SYT2: variants seen among roughly 807,000 people sequenced by gnomAD.
The protein encoded by SYT2 is synaptotagmin-2.
In SYT2, 15 loss-of-function variants were observed where a neutral mutation model predicts 39.9. That is an observed-to-expected ratio of 0.38 (90% CI 0.25 to 0.58). SYT2 has a LOEUF of 0.58. SYT2 is among the 20% of genes least tolerant of loss of function. SYT2 has a pLI of 0.70. For missense variants in SYT2, 389 were observed against 530.3 expected, an observed-to-expected ratio of 0.73 and a Z score of 2.62; for synonymous variants, 181 against 204.5, an observed-to-expected ratio of 0.89 and a Z score of 0.98.
chr1:202,696,617 G>T (rs767353578), intron 1 of SYT2, among the ~76,000 whole-genome samples: 1 of 152,210 alleles, frequency 6.6e-6, no homozygotes, highest in Non-Finnish European at 1.5e-5. Context: ...CCACGAATGT[G>T]TTCCTTGGAT....
rs199542449 is a variant in SYT2 at position 202,600,428 on chromosome 1, G to C, written c.848C>G (p.Thr283Arg). 16 of 1,614,214 alleles carry C rather than the reference G, an allele frequency of 9.9e-6. No individual in the cohort carries two copies. The East Asian group carries it at 3.3e-4, about 34-fold the overall frequency. ...GATGCAGACAGTGAGCTTCCCGGCC[G>C]TGGGCACATAGCGCAGGGAGGTGCA... ...DICTSLRYVPTAGKLTVCILE... is the reference protein window; with the variant it reads ...DICTSLRYVPRAGKLTVCILE... The change falls in exon 7 of 9, where the codon ACG becomes AGG. Residue 283 changes from threonine to arginine, a missense_variant. Around this residue, in one of 4 missense-constraint regions of SYT2, gnomAD observed 21 missense variants for 47.0 expected, o/e 0.45. Coordinates refer to ENST00000367268, the MANE Select transcript of SYT2 (RefSeq NM_177402.5).
chr1:202,673,831 T>C (rs954436397), intron 1 of SYT2, among the ~76,000 whole-genome samples: 22 of 152,248 alleles, frequency 1.4e-4, no homozygotes, highest in African/African-American at 5.1e-4. Flanking sequence ...AGCACATTTA[T>C]GCTCAACAGA....
At chr1:202,621,511 G>A (rs1691201832) in intron 1 of SYT2, among the ~76,000 whole-genome samples, 1 of 152,142 alleles carries the variant, frequency 6.6e-6, no homozygotes, top group South Asian at 2.1e-4. Flanking sequence ...TGCTCAGGCT[G>A]GTCTTGAACT....
At chr1:202,630,874 G>T (rs1374182513) in intron 1 of SYT2, among the ~76,000 whole-genome samples, 2 of 152,222 alleles carry the variant, frequency 1.3e-5, no homozygotes, top group Non-Finnish European at 2.9e-5. Context: ...CCTGCTCTGG[G>T]CCAGAGGAGA....
chr1:202,680,316 T>G (rs531485257), intron 1 of SYT2, among the ~76,000 whole-genome samples: 36 of 152,326 alleles, frequency 2.4e-4, no homozygotes, highest in South Asian at 2.1e-3. Context: ...CATAGAAAAT[T>G]GGACCTACCT....
chr1:202,646,276 G>A (rs560061168), intron 1 of SYT2, among the ~76,000 whole-genome samples: 7 of 152,284 alleles, frequency 4.6e-5, no homozygotes, highest in African/African-American at 7.2e-5. Context: ...GGGCCCAAAG[G>A]GCCATGCTCC....
intron 1 of SYT2, among the ~76,000 whole-genome samples, chr1:202,653,586 C>A (rs966294126): frequency 1.3e-5 from 2 of 151,946 alleles, no homozygotes; most frequent in Non-Finnish European, 2.9e-5. Flanking sequence ...CAAAGACCAT[C>A]CCCAGAGATT....
At chr1:202,676,009 A>T (rs186710091) in intron 1 of SYT2, among the ~76,000 whole-genome samples, 24 of 152,320 alleles carry the variant, frequency 1.6e-4, no homozygotes, top group African/African-American at 5.8e-4. Context: ...CCTTCTAGTC[A>T]TCTCACTAGT....
At chr1:202,709,383 AG>A (rs1305507641) in intron 1 of SYT2, among the ~76,000 whole-genome samples, 8 of 152,294 alleles carry the variant, frequency 5.3e-5, no homozygotes, top group Admixed American at 2.0e-4. Flanking sequence ...AGACAGGATG[AG>A]GGGGCCTGGC....
chr1:202,688,475 C>T (rs769491383), intron 1 of SYT2, among the ~76,000 whole-genome samples: 2 of 152,202 alleles, frequency 1.3e-5, no homozygotes, highest in Non-Finnish European at 2.9e-5. Flanking sequence ...CCGATTCGGT[C>T]CCCTGGACAG....
chr1:202,616,433 G>A (rs143581809), intron 1 of SYT2, among the ~76,000 whole-genome samples: 1 of 151,938 alleles, frequency 6.6e-6, no homozygotes, highest in Admixed American at 6.6e-5. Flanking sequence ...CCAAAAATGA[G>A]CCCCACCTGC....
chr1:202,644,083 G>A (rs1180273936), intron 1 of SYT2, among the ~76,000 whole-genome samples: 2 of 152,208 alleles, frequency 1.3e-5, no homozygotes, highest in African/African-American at 4.8e-5. Flanking sequence ...GGGAAGGGGA[G>A]CTGGGGAGTT....
At chr1:202,683,904 C>A (rs1400567497) in intron 1 of SYT2, among the ~76,000 whole-genome samples, 1 of 152,084 alleles carries the variant, frequency 6.6e-6, no homozygotes, top group Non-Finnish European at 1.5e-5. Context: ...ATTTCTTGGT[C>A]TGGCTGAAGG....
intron 1 of SYT2, among the ~76,000 whole-genome samples, chr1:202,615,167 G>A (rs1691000534): frequency 6.6e-6 from 1 of 152,166 alleles, no homozygotes; most frequent in Admixed American, 6.5e-5. Flanking sequence ...GAGGGAATGT[G>A]GGGAGTCCAT....
At chr1:202,627,700 AAT>A in intron 1 of SYT2, 1 of 866,930 alleles carries the variant, frequency 1.2e-6, no homozygotes, top group South Asian at 5.2e-5. Context: ...CAAACTTGAA[AAT>A]AACCCCTAGC....
intron 1 of SYT2, among the ~76,000 whole-genome samples, chr1:202,696,208 C>A (rs1653969238): frequency 6.6e-6 from 1 of 152,180 alleles, no homozygotes; most frequent in Admixed American, 6.5e-5. Context: ...GTCCCCTTTA[C>A]AACCCAAATC....
At chr1:202,663,839 T>G (rs1035580715) in intron 1 of SYT2, among the ~76,000 whole-genome samples, 3 of 152,174 alleles carry the variant, frequency 2.0e-5, no homozygotes, top group Non-Finnish European at 4.4e-5. Context: ...ATCTGGCTGC[T>G]CTGTCTACTG....
intron 1 of SYT2, among the ~76,000 whole-genome samples, chr1:202,617,441 C>T (rs544727195): frequency 1.3e-5 from 2 of 152,146 alleles, no homozygotes; most frequent in Non-Finnish European, 2.9e-5. Context: ...TTCACCTCCC[C>T]CCATGATTGT....
chr1:202,607,086 G>C (rs911696543), intron 1 of SYT2, among the ~76,000 whole-genome samples: 6 of 152,080 alleles, frequency 3.9e-5, no homozygotes, highest in Non-Finnish European at 8.8e-5. Flanking sequence ...CTTCATTTAA[G>C]GCAATGTTCT....
Sources: allele counts gnomAD v4.1 joint callset (sites outside exome capture counted in the v4.1 genomes callset), GRCh38; gene constraint gnomAD v4.1.1; regional missense constraint gnomAD v4.1.1; transcripts MANE v1.5; gene names NCBI Gene and HGNC (gene_info 2026-07-23, HGNC 2026-07-21).